The following AKR1C8 variants were observed in gnomAD, a reference collection of about 807,000 sequenced individuals.
AKR1C8 encodes aldo-keto reductase family 1 member C8.
the AKR1C8 span, among the ~76,000 whole-genome samples, chr10:5,140,823 A>G: frequency 1.5e-5 from 2 of 133,942 alleles, no homozygotes; most frequent in Non-Finnish European, 3.3e-5. Context: ...CCTAGAACTT[A>G]AAGTATAATT....
chr10:5,142,399 A>G, the AKR1C8 span, among the ~76,000 whole-genome samples: 2 of 152,138 alleles, frequency 1.3e-5, no homozygotes, highest in Non-Finnish European at 2.9e-5. Flanking sequence ...TTTCCTTTGT[A>G]TTCACAACTT....
chr10:5,162,595 G>A, the AKR1C8 span, among the ~76,000 whole-genome samples: 1 of 152,160 alleles, frequency 6.6e-6, no homozygotes, highest in Non-Finnish European at 1.5e-5. Flanking sequence ...TAGTGGCTTG[G>A]TTAATCCATA....
chr10:5,143,585 T>C, the AKR1C8 span, among the ~76,000 whole-genome samples: 1 of 151,988 alleles, frequency 6.6e-6, no homozygotes, highest in Non-Finnish European at 1.5e-5. Context: ...TGTATTCCTG[T>C]TCATACATAA....
At chr10:5,115,993 T>A in the AKR1C8 span, among the ~76,000 whole-genome samples, 1 of 152,262 alleles carries the variant, frequency 6.6e-6, no homozygotes, top group South Asian at 2.1e-4. Flanking sequence ...TACAAGCACC[T>A]CAGCAGGTCA....
At chr10:5,167,466 A>G in the AKR1C8 span, among the ~76,000 whole-genome samples, 2 of 151,974 alleles carry the variant, frequency 1.3e-5, no homozygotes, top group African/African-American at 2.4e-5. Flanking sequence ...AAAAAATTAT[A>G]AGTTCATGTC....
At chr10:5,170,460 T>C in the AKR1C8 span, among the ~76,000 whole-genome samples, 1 of 152,116 alleles carries the variant, frequency 6.6e-6, no homozygotes, top group Non-Finnish European at 1.5e-5. Flanking sequence ...ACATAGGCCT[T>C]TTAAATTAGC....
At chr10:5,128,512 A>T in the AKR1C8 span, among the ~76,000 whole-genome samples, 1 of 152,112 alleles carries the variant, frequency 6.6e-6, no homozygotes, top group Admixed American at 6.6e-5. Flanking sequence ...AATAAATCAC[A>T]AACCAAATAC....
the AKR1C8 span, among the ~76,000 whole-genome samples, chr10:5,172,368 A>G: frequency 1.0e-3 from 153 of 152,166 alleles, 1 homozygote; most frequent in African/African-American, 3.5e-3. Context: ...TTTTTTAAAT[A>G]TAAGTTATCT....
At chr10:5,149,394 G>T in the AKR1C8 span, among the ~76,000 whole-genome samples, 8 of 151,980 alleles carry the variant, frequency 5.3e-5, no homozygotes, top group Admixed American at 1.3e-4. Flanking sequence ...AATAATTATT[G>T]TTCAATAGGC....
chr10:5,162,692 A>G, the AKR1C8 span, among the ~76,000 whole-genome samples: 2 of 152,218 alleles, frequency 1.3e-5, no homozygotes, highest in East Asian at 3.8e-4. Context: ...GTGTTCTACC[A>G]GTAAAATATT....
chr10:5,162,015 C>T, the AKR1C8 span: 27 of 514,432 alleles, frequency 5.2e-5, no homozygotes, highest in Admixed American at 4.8e-4. Flanking sequence ...TAATTTCACA[C>T]ATTTGAGGAC....
chr10:5,160,401 C>T, the AKR1C8 span, among the ~76,000 whole-genome samples: 1 of 152,020 alleles, frequency 6.6e-6, no homozygotes, highest in Non-Finnish European at 1.5e-5. Flanking sequence ...GAAAAAAAAT[C>T]AATCAAATGG....
chr10:5,145,583 A>G, the AKR1C8 span, among the ~76,000 whole-genome samples: 7 of 152,232 alleles, frequency 4.6e-5, no homozygotes, highest in Non-Finnish European at 1.0e-4. Flanking sequence ...TGCAGCCAAA[A>G]AACACATGAA....
chr10:5,150,198 C>T, the AKR1C8 span, among the ~76,000 whole-genome samples: 7 of 151,996 alleles, frequency 4.6e-5, no homozygotes, highest in East Asian at 1.9e-4. Flanking sequence ...TAAATGTACC[C>T]GTTGGACTCC....
the AKR1C8 span, among the ~76,000 whole-genome samples, chr10:5,173,713 A>G: frequency 6.6e-6 from 1 of 152,056 alleles, no homozygotes; most frequent in Admixed American, 6.5e-5. Context: ...AAAGAATAAT[A>G]AGCATCACTG....
At chr10:5,179,071 C>T in the AKR1C8 span, among the ~76,000 whole-genome samples, 8 of 152,118 alleles carry the variant, frequency 5.3e-5, no homozygotes, top group Admixed American at 2.6e-4. Flanking sequence ...TTCTTCCTAG[C>T]CTCGATGGTC....
At chr10:5,129,629 CAACT>C in the AKR1C8 span, among the ~76,000 whole-genome samples, 10 of 151,896 alleles carry the variant, frequency 6.6e-5, no homozygotes, top group Admixed American at 2.6e-4. Flanking sequence ...TCATTCAAGA[CAACT>C]AAGAACACCT....
chr10:5,126,819 A>G, the AKR1C8 span, among the ~76,000 whole-genome samples: 10 of 152,136 alleles, frequency 6.6e-5, no homozygotes, highest in African/African-American at 1.9e-4. Flanking sequence ...AAGACTCTCT[A>G]TAACCAAGGA....
the AKR1C8 span, among the ~76,000 whole-genome samples, chr10:5,121,591 A>C: frequency 3.3e-5 from 5 of 152,112 alleles, no homozygotes; most frequent in African/African-American, 7.2e-5. Context: ...ACGGGAGGAC[A>C]TGGAAGCAGG....
Sources: allele counts gnomAD v4.1 joint callset (sites outside exome capture counted in the v4.1 genomes callset), GRCh38; gene constraint gnomAD v4.1.1; transcripts MANE v1.5; gene names NCBI Gene and HGNC (gene_info 2026-07-23, HGNC 2026-07-21).